The following RPS6KA6 variants were observed in gnomAD, a reference collection of about 807,000 sequenced individuals.
RPS6KA6 encodes ribosomal protein S6 kinase A6, also known as ribosomal protein S6 kinase alpha-6.
Under a neutral mutation model 65.4 loss-of-function variants are expected in RPS6KA6, and 27 were observed. The observed-to-expected ratio is 0.41, with a 90% CI of 0.30 to 0.57. The LOEUF (loss-of-function observed/expected upper bound fraction) is 0.57, where lower values mean the gene tolerates loss of function less well. RPS6KA6 is among the 20% of genes least tolerant of loss of function. RPS6KA6 has a pLI of 0.24. For missense variants in RPS6KA6, 486 were observed against 555.6 expected (o/e 0.87, Z 1.26); for synonymous variants, 190 against 184.2 (o/e 1.03, Z -0.26).
At position 84,078,256 on chromosome X, in the gene RPS6KA6, T is replaced by C. The variant is rs754412117; in HGVS notation, c.1972-13145A>G. On this transcript the variant is annotated intron_variant, in intron 20 of 21. Transcript: ENST00000262752. ...GCGAATTAAAACTACTTTCAAATAGTATCACACACCTTTTAAAATAGCTAA... is the reference window on the plus strand; with the variant it reads ...GCGAATTAAAACTACTTTCAAATAGCATCACACACCTTTTAAAATAGCTAA... Among the ~76,000 whole-genome samples, 13 of 112,176 alleles carry C rather than the reference T, an allele frequency of 1.2e-4. No individual in the cohort carries two copies. In the East Asian group the frequency reaches 3.6e-3, roughly 31 times the overall value.
At chrX:84,129,216 T>C (rs896067269) in intron 8 of RPS6KA6, among the ~76,000 whole-genome samples, 1 of 111,248 alleles carries the variant, frequency 9.0e-6, no homozygotes, top group African/African-American at 3.3e-5. Flanking sequence ...AAAGAAAGCA[T>C]ACAAATGGCA....
At chrX:84,097,697 A>G (rs1331114967) in intron 19 of RPS6KA6, 75 bp downstream of exon 19, 1 of 603,070 alleles carries the variant, frequency 1.7e-6, no homozygotes, top group African/African-American at 2.3e-5. Context: ...ATTTTAATCT[A>G]TTCTCTTTCT....
chrX:84,151,748 G>C (rs1403242537), intron 3 of RPS6KA6, among the ~76,000 whole-genome samples: 1 of 111,872 alleles, frequency 8.9e-6, no homozygotes, highest in African/African-American at 3.2e-5. Context: ...TTTAATAAAT[G>C]TAATAATTGT....
chrX:84,111,089 C>T (rs1182444563), intron 12 of RPS6KA6, among the ~76,000 whole-genome samples: 1 of 107,157 alleles, frequency 9.3e-6, no homozygotes, highest in Non-Finnish European at 1.9e-5. Flanking sequence ...CTAGACCATG[C>T]ATAAGAAATA....
intron 6 of RPS6KA6, among the ~76,000 whole-genome samples, chrX:84,144,637 A>G (rs890930969): frequency 1.2e-4 from 13 of 111,250 alleles, no homozygotes; most frequent in African/African-American, 4.2e-4. Flanking sequence ...TAAAAGTTAA[A>G]CATATACCTA....
At chrX:84,093,400 T>C (rs2034087942) in intron 20 of RPS6KA6, among the ~76,000 whole-genome samples, 1 of 112,016 alleles carries the variant, frequency 8.9e-6, no homozygotes, top group Non-Finnish European at 1.9e-5. Context: ...TGTTAAAAGG[T>C]ACATGAGATA....
At chrX:84,130,864 A>T (rs1389290120) in intron 8 of RPS6KA6, among the ~76,000 whole-genome samples, 1 of 111,707 alleles carries the variant, frequency 9.0e-6, no homozygotes, top group Non-Finnish European at 1.9e-5. Flanking sequence ...ACTGACTTAT[A>T]AGGGGAGAAT....
intron 6 of RPS6KA6, among the ~76,000 whole-genome samples, chrX:84,136,341 C>A (rs759741870): frequency 3.6e-5 from 4 of 111,491 alleles, no homozygotes; most frequent in African/African-American, 9.7e-5. Flanking sequence ...ACGGCCACTG[C>A]ATTTCACAAT....
At chrX:84,173,074 A>C (rs1254719507) in intron 1 of RPS6KA6, among the ~76,000 whole-genome samples, 1 of 110,831 alleles carries the variant, frequency 9.0e-6, no homozygotes, top group Non-Finnish European at 1.9e-5. Context: ...ACACTTTTGA[A>C]CTGTATTCTT....
At chrX:84,120,070 A>G (rs779806476) in intron 8 of RPS6KA6, 43 bp from the exon 9 acceptor site, 4 of 986,336 alleles carry the variant, frequency 4.1e-6, no homozygotes, top group Non-Finnish European at 5.4e-6. Context: ...GAAAAACTTC[A>G]GAAAATAGAA....
At chrX:84,117,333 T>C in intron 10 of RPS6KA6, 51 bp downstream of exon 10, 2 of 876,269 alleles carry the variant, frequency 2.3e-6, no homozygotes, top group Non-Finnish European at 3.2e-6. Context: ...TTTTCAAAAC[T>C]GAAAGCAAGA....
intron 1 of RPS6KA6, among the ~76,000 whole-genome samples, chrX:84,186,451 A>C (rs778711510): frequency 1.8e-5 from 2 of 112,054 alleles, no homozygotes; most frequent in Non-Finnish European, 3.8e-5. Context: ...ACGCCTATTC[A>C]TTTATCTTGT....
At chrX:84,116,457 G>C (rs993368800) in intron 11 of RPS6KA6, among the ~76,000 whole-genome samples, 170 bp from the exon 12 acceptor site, 2 of 111,137 alleles carry the variant, frequency 1.8e-5, no homozygotes, top group Non-Finnish European at 3.8e-5. Context: ...TCATTTTACT[G>C]TGATAAAAAA....
At chrX:84,097,684 GTTATT>G (rs2034183324) in intron 19 of RPS6KA6, 83 bp downstream of exon 19, 1 of 542,610 alleles carries the variant, frequency 1.8e-6, no homozygotes, top group African/African-American at 2.4e-5. Flanking sequence ...TTTCCTTAAA[GTTATT>G]TTAATCTATT....
rs756922190 is a variant in RPS6KA6 at position 84,058,530 on chromosome X, G to T, written c.*5747C>A. 3 of 111,779 alleles carry T rather than the reference G, an allele frequency of 2.7e-5. No homozygotes were observed. Among genetic ancestry groups the T allele is most frequent in the Non-Finnish European group, 5.6e-5 (3 of 53,142 alleles). The allele number at this position is 111,779 out of a possible 1,213,427, so 9.2% of individuals were successfully genotyped here. A position where few individuals can be genotyped will look rare whatever the true frequency, so the allele number is the denominator to read the frequency against. On this transcript the variant is annotated 3_prime_UTR_variant, in exon 22 of 22. Coordinates refer to ENST00000262752, the MANE Select transcript of RPS6KA6 (RefSeq NM_014496.5). ...TTCTTTAGCAGCATTGTGAGAGAAA[G>T]AAACATTGTAAAATGAACTACTGGA...
chrX:84,143,176 A>G (rs2035137179), intron 6 of RPS6KA6, among the ~76,000 whole-genome samples: 1 of 111,252 alleles, frequency 9.0e-6, no homozygotes, highest in African/African-American at 3.2e-5. Context: ...CTGACTATCA[A>G]TCGATGTAAT....
chrX:84,181,157 C>A (rs1043656868), intron 1 of RPS6KA6, among the ~76,000 whole-genome samples: 1 of 111,589 alleles, frequency 9.0e-6, no homozygotes. Context: ...TGTCTTCAAT[C>A]ACTTTACAGG....
intron 20 of RPS6KA6, among the ~76,000 whole-genome samples, chrX:84,082,160 CTGTT>C (rs1472353406): frequency 9.0e-6 from 1 of 111,455 alleles, no homozygotes; most frequent in Non-Finnish European, 1.9e-5. Flanking sequence ...CAAATTGTTT[CTGTT>C]TGCAGATGAC....
rs2035209338 is a variant in RPS6KA6, at chrX:84,146,936, T to A, written c.421+42A>T. On this transcript the variant is annotated intron_variant, in intron 5 of 21. Coordinates refer to ENST00000262752, the MANE Select transcript of RPS6KA6 (RefSeq NM_014496.5). Reference sequence around the variant, plus strand: ...AATTCTCTAATTCCATATTAATAAATAAGGATTAAAATAAATAAAAGAATA... The same window carrying A: ...AATTCTCTAATTCCATATTAATAAAAAAGGATTAAAATAAATAAAAGAATA... 6.9e-6 allele frequency: 5 copies of A among 723,432 alleles called. No individual in the cohort carries two copies. In the African/African-American group the frequency reaches 1.1e-4, roughly 16 times the overall value. 59.6% of individuals were successfully genotyped at this position (723,432 alleles called of 1,213,427 possible). A position where few individuals can be genotyped will look rare whatever the true frequency, so the allele number is the denominator to read the frequency against.
Sources: gnomAD v4.1 joint callset for allele counts (sites outside exome capture counted in the v4.1 genomes callset) on GRCh38, gnomAD v4.1.1 for gene constraint, MANE v1.5 for transcripts, NCBI Gene and HGNC (gene_info 2026-07-23, HGNC 2026-07-21) for gene names.